The following JADE1 variants were observed in gnomAD, a reference collection of about 807,000 sequenced individuals.
JADE1 encodes the protein protein Jade-1.
JADE1 carries 14 observed loss-of-function variants against 81.8 expected under a neutral mutation model. The observed-to-expected ratio is 0.17, with a 90% CI of 0.11 to 0.27. The LOEUF is 0.27. Ranked by LOEUF, JADE1 falls within the 10% of genes least tolerant of loss-of-function variation. The pLI is 1.00. For synonymous variants in JADE1, 353 were observed against 391.9 expected (o/e 0.90, Z 1.17); for missense variants, 690 against 1,047.9 (o/e 0.66, Z 4.71).
rs1161148522 is a variant in JADE1, at chr4:128,873,199, T to G, written c.*937T>G. 1 of 135,974 alleles carries G rather than the reference T, an allele frequency of 7.4e-6. No individual in the cohort carries two copies. The highest frequency in any genetic ancestry group is 1.5e-5 in the Non-Finnish European group (1 of 68,860). 8.4% of individuals were successfully genotyped at this position (135,974 alleles called of 1,614,324 possible). ...ACTGTTACTTCCCAGAGCCAACCAC[T>G]AGTGCATATGTTAGGGAATCTGGGC... On this transcript the variant is annotated 3_prime_UTR_variant, in exon 11 of 11. Coordinates refer to ENST00000226319, the MANE Select transcript of JADE1 (RefSeq NM_199320.4).
rs1729871769 is a variant in JADE1, at chr4:128,846,319, A to G, written c.139-56A>G. On this transcript the variant is annotated intron_variant, in intron 3 of 10. Transcript: ENST00000226319. This position sits in a 1 kb window ranked among gnomAD's most constrained non-coding sequence, Gnocchi z 4.0. ...CCATGGTTACATTGCAGCTGCCAGC[A>G]CTCTGAATAAGAATGCAAATATCAA... is the stretch of plus-strand genomic sequence containing the variant. 2.6e-6 allele frequency: 4 copies of G among 1,547,894 alleles called. No homozygotes were observed. In the Admixed American group the frequency reaches 5.1e-5, roughly 20 times the overall value.
chr4:128,822,927 T>C (rs886307508), intron 1 of JADE1, among the ~76,000 whole-genome samples: 3 of 152,330 alleles, frequency 2.0e-5, no homozygotes, highest in African/African-American at 7.2e-5. Context: ...TCTTATATTT[T>C]GGGTTTTTTC....
chr4:128,818,277 T>C (rs1365607798), intron 1 of JADE1, among the ~76,000 whole-genome samples: 1 of 152,048 alleles, frequency 6.6e-6, no homozygotes, highest in Non-Finnish European at 1.5e-5. Flanking sequence ...TGTGCCACCA[T>C]GCCCTGCTAA....
intron 1 of JADE1, chr4:128,831,348 T>TA (rs1221901251): frequency 1.2e-5 from 2 of 161,492 alleles, no homozygotes; most frequent in African/African-American, 4.9e-5. Flanking sequence ...CATGTACGCA[T>TA]AAAATATGAA....
chr4:128,824,431 TAAAAG>T (rs1402280533), intron 1 of JADE1, among the ~76,000 whole-genome samples: 1 of 139,114 alleles, frequency 7.2e-6, no homozygotes. Flanking sequence ...AAAAATAAAA[TAAAAG>T]AGAAAGGAGT....
chr4:128,831,659 G>C (rs1728566698), intron 1 of JADE1, 74 bp from the exon 2 acceptor site: 1 of 1,286,122 alleles, frequency 7.8e-7, no homozygotes, highest in Admixed American at 1.8e-5. Context: ...GTAAATCCTG[G>C]GCTGCCATCT....
intron 6 of JADE1, 34 bp from the exon 7 acceptor site, chr4:128,855,596 C>T: frequency 6.5e-7 from 1 of 1,543,712 alleles, no homozygotes; most frequent in Non-Finnish European, 8.8e-7. Flanking sequence ...TTCTCTTTCT[C>T]TCTATTCCTC....
chr4:128,843,121 C>A, intron 3 of JADE1, 83 bp downstream of exon 3: 1 of 1,108,714 alleles, frequency 9.0e-7, no homozygotes, highest in Non-Finnish European at 1.3e-6. Context: ...TTGTGCAGTC[C>A]TGGGCAAATT....
chr4:128,815,969 C>T (rs1726995712), intron 1 of JADE1, among the ~76,000 whole-genome samples: 2 of 151,396 alleles, frequency 1.3e-5, no homozygotes, highest in Admixed American at 1.3e-4. Flanking sequence ...TTATTTCCTC[C>T]CTTGTACAAG....
intron 8 of JADE1, among the ~76,000 whole-genome samples, chr4:128,860,412 C>T (rs868315310): frequency 2.6e-5 from 4 of 152,148 alleles, no homozygotes; most frequent in African/African-American, 7.2e-5. Flanking sequence ...TGAGTTTCCT[C>T]TTAAATACTG....
chr4:128,849,571 A>G (rs1173890739), intron 5 of JADE1, among the ~76,000 whole-genome samples: 1 of 151,804 alleles, frequency 6.6e-6, no homozygotes, highest in Non-Finnish European at 1.5e-5. Flanking sequence ...CTAAATGAAC[A>G]CTCTTCCAGG....
At chr4:128,838,823 T>G (rs1729196741) in intron 2 of JADE1, among the ~76,000 whole-genome samples, 1 of 152,196 alleles carries the variant, frequency 6.6e-6, no homozygotes. Context: ...GGGAGAGGTG[T>G]TGGTGTAGCA....
At chr4:128,839,575 C>T (rs1019946713) in intron 2 of JADE1, among the ~76,000 whole-genome samples, 5 of 152,148 alleles carry the variant, frequency 3.3e-5, no homozygotes, top group Non-Finnish European at 5.9e-5. Context: ...TTTCTCTAGT[C>T]TTCCACTGAT....
chr4:128,819,490 A>T (rs1419420179), intron 1 of JADE1, among the ~76,000 whole-genome samples: 1 of 152,154 alleles, frequency 6.6e-6, no homozygotes, highest in Non-Finnish European at 1.5e-5. Context: ...AGCTAAGAAG[A>T]CCTGTGTAAG....
At position 128,846,282 on chromosome 4, in the gene JADE1, T is replaced by C; in HGVS notation, c.139-93T>C. The C allele has an allele frequency of 7.9e-7, 1 of 1,272,760 alleles. No individual in the cohort carries two copies. Among genetic ancestry groups the C allele is most frequent in the Non-Finnish European group, 1.1e-6 (1 of 891,260 alleles). The allele number at this position is 1,272,760 out of a possible 1,614,324, so 78.8% of individuals were successfully genotyped here. On this transcript the variant is annotated intron_variant, in intron 3 of 10. Coordinates refer to ENST00000226319, the MANE Select transcript of JADE1 (RefSeq NM_199320.4). The surrounding 1 kb of genome is among the most constrained non-coding windows in gnomAD (Gnocchi z 4.0). The stretch of plus-strand genomic sequence containing the variant: ...TTCTATGTTGATACAGTGACCTTGT[T>C]ACATGGCAGCTCCATGGTTACATTG...
intron 1 of JADE1, among the ~76,000 whole-genome samples, chr4:128,822,013 CT>C (rs1401458501): frequency 6.6e-6 from 1 of 152,036 alleles, no homozygotes; most frequent in African/African-American, 2.4e-5. Context: ...TACCTTTTCT[CT>C]TTTTTTTCTT....
chr4:128,873,292 G>GAAAA lies in JADE1; in HGVS notation c.*1033_*1036dup, dbSNP rs1198041271. ...AAAAAAGAAAAAAAGAAAAAAAAAA[G>GAAAA]AAAAAAGAAAAAAAGAGAAAAAAGC... On this transcript the variant is annotated 3_prime_UTR_variant, in exon 11 of 11. Coordinates refer to ENST00000226319, the MANE Select transcript of JADE1 (RefSeq NM_199320.4). 8.5e-6 allele frequency: 1 copy of GAAAA among 117,184 alleles called. No homozygotes were observed. The highest frequency in any genetic ancestry group is 1.8e-5 in the Non-Finnish European group (1 of 54,958). 7.3% of individuals were successfully genotyped at this position (117,184 alleles called of 1,614,324 possible).
At chr4:128,820,664 A>G (rs1255710771) in intron 1 of JADE1, among the ~76,000 whole-genome samples, 1 of 151,900 alleles carries the variant, frequency 6.6e-6, no homozygotes, top group Admixed American at 6.6e-5. Flanking sequence ...GTTTTCAAAT[A>G]TACAACATTG....
chr4:128,832,148 C>G (rs930704017), intron 2 of JADE1, among the ~76,000 whole-genome samples: 19 of 152,154 alleles, frequency 1.2e-4, no homozygotes, highest in African/African-American at 3.9e-4. Flanking sequence ...TTAATCAAAG[C>G]CAGGTAATCA....
Sources: allele counts gnomAD v4.1 joint callset (sites outside exome capture counted in the v4.1 genomes callset), GRCh38; gene constraint gnomAD v4.1.1; non-coding constraint Gnocchi (gnomAD v3.1); transcripts MANE v1.5; gene names NCBI Gene and HGNC (gene_info 2026-07-23, HGNC 2026-07-21).